The following TRPM3 variants were observed in gnomAD, a reference collection of about 807,000 sequenced individuals.
The protein encoded by TRPM3 is transient receptor potential cation channel subfamily M member 3.
In TRPM3, 77 loss-of-function variants were observed where a neutral mutation model predicts 181.2. The observed-to-expected ratio is 0.42, with a 90% confidence interval of 0.35 to 0.51. The LOEUF is 0.51. Among genes scored for constraint, TRPM3 ranks in the 20% least tolerant of loss-of-function variants. The pLI is 0.01. For missense variants in TRPM3, 1,759 were observed against 2,196.7 expected (o/e 0.80, Z 3.98); for synonymous variants, 745 against 796.4 (o/e 0.94, Z 1.09).
At chr9:71,121,695 G>C (rs921805169), upstream of TRPM3, 12 of 1,044,678 alleles carry the variant, frequency 1.1e-5, no homozygotes, top group African/African-American at 1.7e-4. Context: ...CCATTGCTTT[G>C]CTAGCTTGGT....
intron 1 of TRPM3, among the ~76,000 whole-genome samples, chr9:71,062,073 C>T (rs2061397702): frequency 6.6e-6 from 1 of 152,034 alleles, no homozygotes; most frequent in African/African-American, 2.4e-5. Context: ...GCTATACTAC[C>T]CTAGAACCTA....
At chr9:71,043,092 C>G (rs1255597413) in intron 1 of TRPM3, among the ~76,000 whole-genome samples, 2 of 152,212 alleles carry the variant, frequency 1.3e-5, no homozygotes, top group East Asian at 1.9e-4. Context: ...ATTTCTGTAT[C>G]TTTGCAAAAC....
chr9:70,530,936 GT>G lies in TRPM3; in HGVS notation c.*5016del, dbSNP rs1170036923. On this transcript the variant is annotated 3_prime_UTR_variant, in exon 26 of 26. Transcript: ENST00000677713. ...CTAGTAATGATGATTTTCTAAAAGA[GT>G]AAACTCTTTAGAACCACCCAGTGCT... 1 of 152,174 alleles carries G rather than the reference GT, an allele frequency of 6.6e-6. No individual in the cohort carries two copies. The allele number at this position is 152,174 out of a possible 1,614,324, so 9.4% of individuals were successfully genotyped here. A position where few individuals can be genotyped will look rare whatever the true frequency, so the allele number is the denominator to read the frequency against.
chr9:71,058,970 T>C (rs1332933294), intron 1 of TRPM3, among the ~76,000 whole-genome samples: 1 of 143,552 alleles, frequency 7.0e-6, no homozygotes, highest in African/African-American at 2.5e-5. Flanking sequence ...TGTTCTTTGC[T>C]CAAATAAACT....
At chr9:70,548,998 T>G (rs2045798835) in intron 25 of TRPM3, among the ~76,000 whole-genome samples, 1 of 152,206 alleles carries the variant, frequency 6.6e-6, no homozygotes, top group Non-Finnish European at 1.5e-5. Context: ...TATTATTTTT[T>G]TTTGCTTTCA....
At chr9:70,693,625 A>G (rs2134494187) in intron 8 of TRPM3, among the ~76,000 whole-genome samples, 1 of 152,302 alleles carries the variant, frequency 6.6e-6, no homozygotes, top group East Asian at 1.9e-4. Context: ...AGTGTCATGA[A>G]GGTATCATAA....
At chr9:71,229,538 A>T (rs2080910886) in intron 1 of TRPM3, among the ~76,000 whole-genome samples, 1 of 152,204 alleles carries the variant, frequency 6.6e-6, no homozygotes, top group Non-Finnish European at 1.5e-5. Flanking sequence ...ACAGAATGTG[A>T]GGAAATATTT....
intron 1 of TRPM3, among the ~76,000 whole-genome samples, chr9:71,240,683 T>C (rs551323942): frequency 3.8e-4 from 57 of 151,900 alleles, no homozygotes; most frequent in South Asian, 2.1e-4. Context: ...AAAAAGTTAT[T>C]TTAAGACTTT....
chr9:71,186,295 G>A (rs2077675436), intron 1 of TRPM3, among the ~76,000 whole-genome samples: 1 of 151,972 alleles, frequency 6.6e-6, no homozygotes, highest in Non-Finnish European at 1.5e-5. Flanking sequence ...ACCATGTTTA[G>A]TCCCTAGGTT....
At chr9:70,582,890 T>C (rs1345620998) in intron 22 of TRPM3, among the ~76,000 whole-genome samples, 1 of 152,230 alleles carries the variant, frequency 6.6e-6, no homozygotes, top group African/African-American at 2.4e-5. Context: ...TCATATATAA[T>C]CTTTCTTTGA....
At chr9:70,776,400 C>T (rs1241993578) in intron 7 of TRPM3, 5 of 703,566 alleles carry the variant, frequency 7.1e-6, no homozygotes, top group South Asian at 1.5e-5. Context: ...CCGTCATTCG[C>T]CATCAACTAG....
intron 1 of TRPM3, among the ~76,000 whole-genome samples, chr9:70,916,313 T>G (rs2096594098): frequency 6.6e-6 from 1 of 152,092 alleles, no homozygotes; most frequent in African/African-American, 2.4e-5. Flanking sequence ...GGTACAAAAC[T>G]CATTGGTAAT....
At chr9:71,382,248 T>C (rs1045744984) in intron 1 of TRPM3, among the ~76,000 whole-genome samples, 1 of 152,138 alleles carries the variant, frequency 6.6e-6, no homozygotes, top group Non-Finnish European at 1.5e-5. Flanking sequence ...TAACCCTCTA[T>C]GAAAAACTCA....
chr9:70,651,593 T>G (rs1030096031), intron 9 of TRPM3, among the ~76,000 whole-genome samples: 64 of 152,290 alleles, frequency 4.2e-4, no homozygotes, highest in African/African-American at 1.4e-3. Context: ...GGGGTGTCAC[T>G]CACATCCAGG....
chr9:71,122,123 G>T (rs903631036), upstream of TRPM3, among the ~76,000 whole-genome samples: 18 of 152,128 alleles, frequency 1.2e-4, no homozygotes, highest in African/African-American at 3.1e-4. Context: ...TTAAATGGGG[G>T]TTATCTCCTG....
At chr9:70,841,661 T>TATATAA (rs1339698170) in intron 5 of TRPM3, among the ~76,000 whole-genome samples, 1,070 of 85,968 alleles carry the variant, frequency 0.012, 46 homozygotes, top group African/African-American at 0.03. Flanking sequence ...TATATATATA[T>TATATAA]CCCACCATAT....
chr9:71,261,464 C>T (rs907202151), intron 1 of TRPM3, among the ~76,000 whole-genome samples: 2 of 152,128 alleles, frequency 1.3e-5, no homozygotes, highest in East Asian at 1.9e-4. Context: ...TCCTTTAGCT[C>T]GGAGCCATTT....
At chr9:70,884,649 CTT>C (rs1446124870) in intron 1 of TRPM3, among the ~76,000 whole-genome samples, 1 of 152,174 alleles carries the variant, frequency 6.6e-6, no homozygotes, top group Non-Finnish European at 1.5e-5. Flanking sequence ...ACAGCTATGC[CTT>C]TAGTTTTTGC....
intron 1 of TRPM3, among the ~76,000 whole-genome samples, chr9:71,223,539 G>T (rs1296651437): frequency 2.6e-5 from 4 of 152,202 alleles, no homozygotes; most frequent in African/African-American, 9.6e-5. Flanking sequence ...AAATAAAAGA[G>T]ACTTGTTTTT....
Sources: gnomAD v4.1 joint callset for allele counts (sites outside exome capture counted in the v4.1 genomes callset) on GRCh38, gnomAD v4.1.1 for gene constraint, MANE v1.5 for transcripts, NCBI Gene and HGNC (gene_info 2026-07-23, HGNC 2026-07-21) for gene names.